The following ARHGAP6 variants were observed in gnomAD, a reference collection of about 807,000 sequenced individuals.
ARHGAP6 encodes rho GTPase-activating protein 6.
Under a neutral mutation model 55.7 loss-of-function variants are expected in ARHGAP6, and 16 were observed. The observed-to-expected ratio is 0.29, with a 90% CI of 0.19 to 0.44. The LOEUF is 0.44. Among genes scored for constraint, ARHGAP6 ranks in the 20% least tolerant of loss-of-function variants. The probability of loss-of-function intolerance (pLI) is 1.00; values close to 1 mark genes in which losing one functional copy is unlikely to be tolerated. For missense variants in ARHGAP6, 698 were observed against 808.9 expected (o/e 0.86, Z 1.66); for synonymous variants, 382 against 360.9 (o/e 1.06, Z -0.66).
At chrX:11,559,108 A>G (rs762011070) in intron 1 of ARHGAP6, among the ~76,000 whole-genome samples, 76 of 107,992 alleles carry the variant, frequency 7.0e-4, no homozygotes, top group Middle Eastern at 4.7e-3. Flanking sequence ...CCAGAACATC[A>G]GAGTCCTTCA....
intron 2 of ARHGAP6, among the ~76,000 whole-genome samples, chrX:11,211,306 C>T (rs1225112670): frequency 9.5e-6 from 1 of 105,274 alleles, no homozygotes; most frequent in Admixed American, 1.0e-4. Flanking sequence ...ACTGCAAGCT[C>T]CGCCTCCTGG....
intron 6 of ARHGAP6, among the ~76,000 whole-genome samples, chrX:11,181,210 A>T (rs2046310061): frequency 8.9e-6 from 1 of 112,070 alleles, no homozygotes; most frequent in Non-Finnish European, 1.9e-5. Context: ...CAATCAGAAA[A>T]CATATTTCTG....
chrX:11,389,510 A>G (rs751506932), intron 1 of ARHGAP6, among the ~76,000 whole-genome samples: 1 of 112,482 alleles, frequency 8.9e-6, no homozygotes, highest in East Asian at 2.8e-4. Context: ...CAGATATCAA[A>G]TTATTTTGAT....
At chrX:11,556,893 T>C (rs1291190413) in intron 1 of ARHGAP6, among the ~76,000 whole-genome samples, 2 of 111,881 alleles carry the variant, frequency 1.8e-5, no homozygotes, top group Non-Finnish European at 3.8e-5. Flanking sequence ...GACTATGTCT[T>C]ATCCATGTCT....
At chrX:11,485,844 C>G (rs2050506089) in intron 1 of ARHGAP6, among the ~76,000 whole-genome samples, 1 of 111,603 alleles carries the variant, frequency 9.0e-6, no homozygotes, top group South Asian at 3.8e-4. Flanking sequence ...AACATTGCTT[C>G]CTGACCCCTG....
In ARHGAP6 at chrX:11,505,355, C is replaced by T. The variant is rs139710119; in HGVS notation, c.588+158886G>A. On this transcript the variant is annotated intron_variant, in intron 1 of 12. Transcript: ENST00000337414. ...AATCAAAACCACAATGAGATACCAT[C>T]GCACATCAGTCAGAATGGCTACTAT... 2.7e-5 allele frequency among the ~76,000 whole-genome samples: 3 copies of T among 111,319 alleles called. No individual in the cohort carries two copies. In the East Asian group the frequency reaches 8.4e-4, roughly 31 times the overall value.
At chrX:11,292,265 C>T (rs896063897) in intron 1 of ARHGAP6, among the ~76,000 whole-genome samples, 2 of 111,513 alleles carry the variant, frequency 1.8e-5, no homozygotes, top group African/African-American at 3.3e-5. Flanking sequence ...TATTGATGGA[C>T]GACTCGTCAG....
At chrX:11,475,379 T>C (rs1260901862) in intron 1 of ARHGAP6, among the ~76,000 whole-genome samples, 1 of 110,942 alleles carries the variant, frequency 9.0e-6, no homozygotes, top group Non-Finnish European at 1.9e-5. Context: ...CTTTTGATTC[T>C]TATTACTGAA....
intron 1 of ARHGAP6, among the ~76,000 whole-genome samples, chrX:11,658,491 C>G (rs1326606148): frequency 9.0e-6 from 1 of 110,603 alleles, no homozygotes; most frequent in Non-Finnish European, 1.9e-5. Flanking sequence ...CTGTCTTATT[C>G]TAATTACTTT....
Position 11,369,601 on chromosome X carries a change from C to A in ARHGAP6, c.589-114894G>T, listed in dbSNP as rs183551837. Among the ~76,000 whole-genome samples, 9 of 111,369 alleles carry A rather than the reference C, an allele frequency of 8.1e-5. No individual in the cohort carries two copies. The East Asian group carries it at 2.5e-3, about 31-fold the overall frequency. On this transcript the variant is annotated intron_variant, in intron 1 of 12. Coordinates refer to ENST00000337414, the MANE Select transcript of ARHGAP6 (RefSeq NM_013427.3). ...ACTCAGTTTTCTTATATATGAGATA[C>A]AAAGAATAACAATTATCTCAGAGGA...
chrX:11,195,244 T>C (rs1006986920), intron 3 of ARHGAP6, among the ~76,000 whole-genome samples: 1 of 109,275 alleles, frequency 9.2e-6, no homozygotes, highest in Non-Finnish European at 1.9e-5. Flanking sequence ...CCCAGCTACT[T>C]GGGAGGCTGA....
At position 11,292,139 on chromosome X, in the gene ARHGAP6, G is replaced by A. The variant is rs774792121; in HGVS notation, c.589-37432C>T. Among the ~76,000 whole-genome samples, 58 of 111,840 alleles carry A rather than the reference G, an allele frequency of 5.2e-4. 1 individual carries two copies. Among genetic ancestry groups the A allele is most frequent in the Admixed American group, 1.5e-3 (16 of 10,530 alleles). On this transcript the variant is annotated intron_variant, in intron 1 of 12. Transcript: ENST00000337414. ...CAGGCTAAGTAATTTGTATATATAC[G>A]TATAAACATATGTATATATACAAAC...
At chrX:11,647,360 A>G (rs2052540995) in intron 1 of ARHGAP6, among the ~76,000 whole-genome samples, 2 of 112,416 alleles carry the variant, frequency 1.8e-5, no homozygotes, top group Non-Finnish European at 3.8e-5. Context: ...CAGGGGAATG[A>G]CAAGGAGTAT....
At chrX:11,520,073 T>C in intron 1 of ARHGAP6, among the ~76,000 whole-genome samples, 1 of 86,395 alleles carries the variant, frequency 1.2e-5, no homozygotes, top group African/African-American at 4.3e-5. Flanking sequence ...GGAGAAAATT[T>C]TCACAACCTT....
intron 1 of ARHGAP6, among the ~76,000 whole-genome samples, chrX:11,460,217 G>A (rs761310541): frequency 8.9e-6 from 1 of 111,794 alleles, no homozygotes; most frequent in South Asian, 3.8e-4. Flanking sequence ...CAGATTGTGA[G>A]AGGGCCTGTG....
intron 1 of ARHGAP6, among the ~76,000 whole-genome samples, chrX:11,586,347 G>A (rs747102299): frequency 9.0e-6 from 1 of 111,708 alleles, no homozygotes. Context: ...GTTGATTTTT[G>A]TATATGGTGA....
chrX:11,664,587 G>A lies in ARHGAP6; in HGVS notation c.242C>T (p.Ser81Phe). 1 of 1,178,635 alleles carries A rather than the reference G, an allele frequency of 8.5e-7. No homozygotes were observed. Residue 81 changes from serine to phenylalanine, a missense_variant, in exon 1 of 13, where the codon TCC becomes TTC. Coordinates refer to ENST00000337414, the MANE Select transcript of ARHGAP6 (RefSeq NM_013427.3). ...PAESLGPRLA[S>F]SSRGPPPRAT... ...CCTGGGGGGCGGACCCCGGGAAGAG[G>A]ACGCCAAGCGAGGGCCGAGACTCTC... is the stretch of plus-strand genomic sequence containing the variant.
intron 1 of ARHGAP6, among the ~76,000 whole-genome samples, chrX:11,639,459 AGT>A (rs1463190799): frequency 9.1e-6 from 1 of 109,383 alleles, no homozygotes; most frequent in African/African-American, 3.3e-5. Flanking sequence ...GAGAACATGC[AGT>A]GTTTGGTTTT....
chrX:11,447,707 CAAGA>C (rs1255459668), intron 1 of ARHGAP6, among the ~76,000 whole-genome samples: 1 of 112,074 alleles, frequency 8.9e-6, no homozygotes, highest in African/African-American at 3.2e-5. Context: ...TAATAATCTT[CAAGA>C]AAGAATGTTA....
Sources: allele counts gnomAD v4.1 joint callset (sites outside exome capture counted in the v4.1 genomes callset), GRCh38; gene constraint gnomAD v4.1.1; transcripts MANE v1.5; gene names NCBI Gene and HGNC (gene_info 2026-07-23, HGNC 2026-07-21).